SLC14A2: variants seen among roughly 807,000 people sequenced by gnomAD.
SLC14A2 encodes the protein urea transporter 2.
A neutral mutation model predicts 104.6 loss-of-function variants in SLC14A2; 91 were observed. The observed-to-expected ratio is 0.87, with a 90% CI of 0.73 to 1.04. SLC14A2 has a LOEUF of 1.04. SLC14A2 is among the 50% of genes least tolerant of loss of function. SLC14A2 has a pLI of 0.00. For missense variants in SLC14A2, 1,189 were observed against 1,156.0 expected, an observed-to-expected ratio of 1.03 and a Z score of -0.41; for synonymous variants, 476 against 466.4, an observed-to-expected ratio of 1.02 and a Z score of -0.27.
At chr18:45,354,959 A>T (rs1486144751) in intron 1 of SLC14A2, among the ~76,000 whole-genome samples, 2 of 152,188 alleles carry the variant, frequency 1.3e-5, no homozygotes. Context: ...AAGAAGTATG[A>T]TATCTTAAAT....
At chr18:45,478,938 C>T (rs2087440328) in intron 1 of SLC14A2, among the ~76,000 whole-genome samples, 1 of 152,184 alleles carries the variant, frequency 6.6e-6, no homozygotes, top group African/African-American at 2.4e-5. Context: ...GATGCTTTTA[C>T]AGGCAGCCAT....
intron 1 of SLC14A2, among the ~76,000 whole-genome samples, chr18:45,354,724 A>G (rs1321514015): frequency 6.6e-6 from 1 of 152,178 alleles, no homozygotes; most frequent in Non-Finnish European, 1.5e-5. Context: ...TAGGAAGGAG[A>G]TGAAGTTTTC....
intron 2 of SLC14A2, among the ~76,000 whole-genome samples, chr18:45,533,331 A>G (rs548472496): frequency 6.6e-6 from 1 of 151,892 alleles, no homozygotes; most frequent in African/African-American, 2.4e-5. Context: ...CTGGTCCTGG[A>G]CTTTTTTTGG....
chr18:45,493,465 C>T (rs1298688023), intron 2 of SLC14A2, among the ~76,000 whole-genome samples: 2 of 152,164 alleles, frequency 1.3e-5, no homozygotes, highest in Non-Finnish European at 2.9e-5. Flanking sequence ...ATAATAGCAA[C>T]ACCTATAATA....
At chr18:45,300,702 A>G (rs1390521655) in intron 1 of SLC14A2, among the ~76,000 whole-genome samples, 3 of 152,218 alleles carry the variant, frequency 2.0e-5, no homozygotes. Flanking sequence ...TACATACATG[A>G]TTAATCCTCT....
chr18:45,222,942 G>C (rs986578931), intron 1 of SLC14A2, among the ~76,000 whole-genome samples: 2 of 152,080 alleles, frequency 1.3e-5, no homozygotes, highest in African/African-American at 2.4e-5. Flanking sequence ...TTCCCACTCA[G>C]TCCTGTGCAG....
chr18:45,596,376 A>G (rs1332328158), intron 2 of SLC14A2, among the ~76,000 whole-genome samples: 1 of 152,242 alleles, frequency 6.6e-6, no homozygotes, highest in African/African-American at 2.4e-5. Context: ...CACTGTGGGT[A>G]TATTTCAAAC....
chr18:45,409,693 G>GGACCTTAGATGAA (rs1237638251), intron 1 of SLC14A2, among the ~76,000 whole-genome samples: 1 of 152,070 alleles, frequency 6.6e-6, no homozygotes, highest in African/African-American at 2.4e-5. Flanking sequence ...TGAAAATGAA[G>GGACCTTAGATGAA]AAGCAAAAAG....
intron 5 of SLC14A2, among the ~76,000 whole-genome samples, chr18:45,635,576 A>G (rs936737806): frequency 2.0e-5 from 3 of 152,184 alleles, no homozygotes; most frequent in Non-Finnish European, 1.5e-5. Context: ...CCATGGTGTA[A>G]TGAGGGCACA....
At chr18:45,469,176 G>A (rs915516488) in intron 1 of SLC14A2, among the ~76,000 whole-genome samples, 2 of 152,170 alleles carry the variant, frequency 1.3e-5, no homozygotes, top group Non-Finnish European at 2.9e-5. Context: ...TGTGTCCATG[G>A]CATTGTTGGA....
chr18:45,545,047 G>A (rs112851360), intron 2 of SLC14A2, among the ~76,000 whole-genome samples: 1 of 152,002 alleles, frequency 6.6e-6, no homozygotes, highest in East Asian at 1.9e-4. Context: ...GCCCGCCTCG[G>A]CCTCCCAAAG....
chr18:45,241,895 G>A (rs186006804), intron 1 of SLC14A2, among the ~76,000 whole-genome samples: 27 of 151,762 alleles, frequency 1.8e-4, no homozygotes, highest in East Asian at 5.8e-4. Context: ...CACCTGCCTC[G>A]GCCTCCCAAA....
chr18:45,499,781 GACTGGAGATGATCATAGGTATCTTAGCT>G (rs1330863847), intron 2 of SLC14A2, among the ~76,000 whole-genome samples: 11 of 152,326 alleles, frequency 7.2e-5, no homozygotes, highest in Admixed American at 5.2e-4. Context: ...CCAGTTTGTA[GACTGGAGATGATCATAGGTATCTTAGCT>G]ACCTCATAGA....
At chr18:45,603,430 C>T (rs74813435) in intron 2 of SLC14A2, among the ~76,000 whole-genome samples, 5,687 of 152,058 alleles carry the variant, frequency 0.037, 148 homozygotes, top group Non-Finnish European at 0.059. Context: ...TGAGAGTTCA[C>T]TGTATTTATT....
At chr18:45,423,498 G>A (rs749285091) in intron 1 of SLC14A2, among the ~76,000 whole-genome samples, 5 of 152,228 alleles carry the variant, frequency 3.3e-5, no homozygotes, top group Non-Finnish European at 7.4e-5. Flanking sequence ...AACAGAGGAG[G>A]TGCAACAGAA....
At chr18:45,429,732 G>A (rs1036037471) in intron 1 of SLC14A2, among the ~76,000 whole-genome samples, 3 of 152,246 alleles carry the variant, frequency 2.0e-5, no homozygotes, top group South Asian at 2.1e-4. Flanking sequence ...TTTGATCCTC[G>A]AAGCCAAGTT....
At chr18:45,502,310 A>C (rs1428709692) in intron 2 of SLC14A2, among the ~76,000 whole-genome samples, 1 of 152,174 alleles carries the variant, frequency 6.6e-6, no homozygotes, top group African/African-American at 2.4e-5. Context: ...TCTTGAACTA[A>C]AGTTAATTGT....
intron 1 of SLC14A2, among the ~76,000 whole-genome samples, chr18:45,230,839 T>C (rs2084167546): frequency 2.6e-5 from 4 of 152,252 alleles, no homozygotes; most frequent in Non-Finnish European, 5.9e-5. Context: ...GAGCTGGTTG[T>C]TGTCTTCTGG....
At chr18:45,433,753 A>G (rs972029880) in intron 1 of SLC14A2, among the ~76,000 whole-genome samples, 3 of 152,242 alleles carry the variant, frequency 2.0e-5, no homozygotes, top group Admixed American at 2.0e-4. Flanking sequence ...AGATCAGGGC[A>G]TTTAAGCACT....
Sources: allele counts gnomAD v4.1 joint callset (sites outside exome capture counted in the v4.1 genomes callset), GRCh38; gene constraint gnomAD v4.1.1; transcripts MANE v1.5; gene names NCBI Gene and HGNC (gene_info 2026-07-23, HGNC 2026-07-21).